EPM2A: variants seen among roughly 807,000 people sequenced by gnomAD.
The protein encoded by EPM2A is laforin.
Under a neutral mutation model 26.5 loss-of-function variants are expected in EPM2A, and 21 were observed. That is an observed-to-expected ratio of 0.79 (90% confidence interval 0.56 to 1.14). The LOEUF is 1.14. Ranked by LOEUF, EPM2A falls within the 50% of genes most tolerant of loss-of-function variation. The pLI is 0.00. For synonymous variants in EPM2A, 217 were observed against 177.6 expected (o/e 1.22, Z -1.76); for missense variants, 458 against 440.8 (o/e 1.04, Z -0.35).
intron 4 of EPM2A, among the ~76,000 whole-genome samples, chr6:145,469,631 A>C (rs941782374): frequency 1.3e-5 from 2 of 152,110 alleles, no homozygotes; most frequent in Admixed American, 1.3e-4. Flanking sequence ...TCAAAAAATT[A>C]AAAGTAGGGT....
chr6:145,566,445 C>T (rs991473148), intron 2 of EPM2A, among the ~76,000 whole-genome samples: 2 of 152,176 alleles, frequency 1.3e-5, no homozygotes, highest in Non-Finnish European at 2.9e-5. Flanking sequence ...ATTTTCTCCA[C>T]CACAGTGTTC....
intron 2 of EPM2A, among the ~76,000 whole-genome samples, chr6:145,663,098 AT>A (rs1334532554): frequency 6.6e-6 from 1 of 152,182 alleles, no homozygotes; most frequent in Non-Finnish European, 1.5e-5. Flanking sequence ...AGTAAAAAAA[AT>A]GTGACATACT....
At chr6:145,390,890 C>T (rs1332215538) in intron 4 of EPM2A, among the ~76,000 whole-genome samples, 2 of 152,092 alleles carry the variant, frequency 1.3e-5, no homozygotes, top group Non-Finnish European at 2.9e-5. Context: ...ATATGCAATT[C>T]CTAGGAAAGA....
At chr6:145,447,164 A>G (rs1327052350) in intron 4 of EPM2A, among the ~76,000 whole-genome samples, 1 of 152,170 alleles carries the variant, frequency 6.6e-6, no homozygotes, top group East Asian at 1.9e-4. Flanking sequence ...TACTCAATAA[A>G]TATTTCTGAA....
chr6:145,472,453 C>G (rs916271208), intron 4 of EPM2A, among the ~76,000 whole-genome samples: 3 of 151,986 alleles, frequency 2.0e-5, no homozygotes, highest in African/African-American at 7.3e-5. Context: ...GAGTACCAAG[C>G]AGGGTCATGG....
chr6:145,648,110 A>G (rs1380250461), intron 2 of EPM2A, among the ~76,000 whole-genome samples: 1 of 152,194 alleles, frequency 6.6e-6, no homozygotes, highest in Non-Finnish European at 1.5e-5. Flanking sequence ...TCTATGCTAA[A>G]TTCTTTTACT....
At chr6:145,735,144 G>C in intron 1 of EPM2A, 54 bp downstream of exon 1, 1 of 1,361,336 alleles carries the variant, frequency 7.3e-7, no homozygotes, top group East Asian at 3.2e-5. Flanking sequence ...CCCGGTTGGG[G>C]GTGCGGGCCG....
At chr6:145,597,600 T>G (rs1398162074) in intron 2 of EPM2A, among the ~76,000 whole-genome samples, 1 of 152,050 alleles carries the variant, frequency 6.6e-6, no homozygotes, top group Admixed American at 6.5e-5. Flanking sequence ...TCTTTTAGGT[T>G]TGGGGGTACA....
At chr6:145,668,966 T>C (rs1779444361) in intron 2 of EPM2A, among the ~76,000 whole-genome samples, 1 of 152,166 alleles carries the variant, frequency 6.6e-6, no homozygotes. Context: ...GTTATCAGTG[T>C]ATACGTGTGT....
intron 1 of EPM2A, among the ~76,000 whole-genome samples, chr6:145,689,103 A>G (rs1337839): frequency 0.54 from 82,418 of 152,098 alleles, 22,866 homozygotes; most frequent in East Asian, 0.7. Context: ...ATGTGTCATC[A>G]TCTTCATAAG....
intron 2 of EPM2A, chr6:145,637,803 T>G (rs1237319558): frequency 6.6e-6 from 1 of 152,264 alleles, no homozygotes; most frequent in Non-Finnish European, 1.5e-5. Flanking sequence ...TGATTGCCCC[T>G]TCCCTCTGGC....
chr6:145,685,590 A>C (rs1780846672), intron 2 of EPM2A, among the ~76,000 whole-genome samples: 1 of 152,198 alleles, frequency 6.6e-6, no homozygotes, highest in African/African-American at 2.4e-5. Flanking sequence ...GTGGGAAAGG[A>C]GAAAAGGATA....
chr6:145,584,995 C>A (rs138127603), intron 2 of EPM2A, among the ~76,000 whole-genome samples: 3 of 152,234 alleles, frequency 2.0e-5, no homozygotes, highest in Non-Finnish European at 2.9e-5. Context: ...TAAATATTTT[C>A]TTGGTTGATT....
At chr6:145,707,859 C>A (rs1392375454) in intron 1 of EPM2A, among the ~76,000 whole-genome samples, 1 of 152,122 alleles carries the variant, frequency 6.6e-6, no homozygotes, top group Non-Finnish European at 1.5e-5. Context: ...GACTTTGGAA[C>A]AGGATAATAG....
chr6:145,668,382 T>G (rs1468232471), intron 2 of EPM2A, among the ~76,000 whole-genome samples: 4 of 152,122 alleles, frequency 2.6e-5, no homozygotes, highest in Non-Finnish European at 4.4e-5. Context: ...TTTTAAAAAA[T>G]GGCATGAAGG....
At chr6:145,551,599 G>A (rs1780656583) in intron 2 of EPM2A, among the ~76,000 whole-genome samples, 1 of 151,974 alleles carries the variant, frequency 6.6e-6, no homozygotes, top group South Asian at 2.1e-4. Flanking sequence ...GCACTTTCTG[G>A]TCCAGAAATC....
At chr6:145,473,447 T>C (rs1442060986) in intron 4 of EPM2A, among the ~76,000 whole-genome samples, 2 of 151,998 alleles carry the variant, frequency 1.3e-5, no homozygotes, top group East Asian at 1.9e-4. Flanking sequence ...CTAAGAGTTA[T>C]TGACCATATA....
rs978583431 is a variant in EPM2A, at chr6:145,475,820, A to G, written c.555+26702T>C. 3.9e-5 allele frequency among the ~76,000 whole-genome samples: 6 copies of G among 152,210 alleles called. No homozygotes were observed. In the East Asian group the frequency reaches 1.2e-3, roughly 29 times the overall value. ...GATACACACACACACAAAAAGGAAG[A>G]AACTAAATAATATCACCAGAGAAAA... On this transcript the variant is annotated intron_variant, in intron 4 of 4. Transcript: ENST00000638717.
intron 2 of EPM2A, among the ~76,000 whole-genome samples, chr6:145,556,602 A>G (rs1283730583): frequency 2.6e-5 from 4 of 152,054 alleles, no homozygotes; most frequent in Non-Finnish European, 4.4e-5. Context: ...TTCATTAATG[A>G]CTTGAGAGCA....
Sources: gnomAD v4.1 joint callset for allele counts (sites outside exome capture counted in the v4.1 genomes callset) on GRCh38, gnomAD v4.1.1 for gene constraint, MANE v1.5 for transcripts, NCBI Gene and HGNC (gene_info 2026-07-23, HGNC 2026-07-21) for gene names.